The following KCNJ6 variants were observed in gnomAD, a reference collection of about 807,000 sequenced individuals.
KCNJ6 encodes the protein G protein-activated inward rectifier potassium channel 2.
KCNJ6 carries 9 observed loss-of-function variants against 34.2 expected under a neutral mutation model. The observed-to-expected ratio is 0.26, with a 90% CI of 0.16 to 0.46. The LOEUF is 0.46. Among genes scored for constraint, KCNJ6 ranks in the 20% least tolerant of loss-of-function variants. KCNJ6 has a pLI of 1.00. For missense variants in KCNJ6, 236 were observed against 531.3 expected, an observed-to-expected ratio of 0.44 and a Z score of 5.46; for synonymous variants, 196 against 207.1, an observed-to-expected ratio of 0.95 and a Z score of 0.46.
chr21:37,844,922 G>T (rs1418676146), intron 1 of KCNJ6, among the ~76,000 whole-genome samples: 1 of 152,162 alleles, frequency 6.6e-6, no homozygotes, highest in Non-Finnish European at 1.5e-5. Flanking sequence ...TCATCTGGAG[G>T]TCATGGCTGG....
intron 2 of KCNJ6, among the ~76,000 whole-genome samples, chr21:37,725,760 G>A (rs972652728): frequency 1.3e-5 from 2 of 152,200 alleles, no homozygotes; most frequent in African/African-American, 4.8e-5. Context: ...CAACCCAAAT[G>A]TCTATCACCA....
chr21:37,712,532 TTCCCTCCCTCCTCC>T (rs1397369155), intron 3 of KCNJ6, among the ~76,000 whole-genome samples: 26 of 88,812 alleles, frequency 2.9e-4, no homozygotes, highest in African/African-American at 2.6e-4. Flanking sequence ...TCCCTTTCTC[TTCCCTCCCTCCTCC>T]TCCCTCCCTC....
At chr21:37,908,846 T>C (rs1454081765) in intron 1 of KCNJ6, among the ~76,000 whole-genome samples, 4 of 152,228 alleles carry the variant, frequency 2.6e-5, no homozygotes, top group African/African-American at 9.6e-5. Context: ...CTGATTCACA[T>C]TAGCTGTATT....
At chr21:37,764,355 G>A (rs935425941) in intron 2 of KCNJ6, among the ~76,000 whole-genome samples, 1 of 151,268 alleles carries the variant, frequency 6.6e-6, no homozygotes, top group African/African-American at 2.4e-5. Flanking sequence ...AGCTTGGGAT[G>A]ATTGGAAGAA....
At chr21:37,729,063 G>A (rs1306924530) in intron 2 of KCNJ6, among the ~76,000 whole-genome samples, 1 of 152,146 alleles carries the variant, frequency 6.6e-6, no homozygotes, top group African/African-American at 2.4e-5. Flanking sequence ...ATAGGTGTAT[G>A]TGGTAGAACA....
At position 37,867,794 on chromosome 21, in the gene KCNJ6, C is replaced by G. The variant is rs578237600; in HGVS notation, c.-27-27085G>C. 3.9e-4 allele frequency among the ~76,000 whole-genome samples: 59 copies of G among 152,272 alleles called. No individual in the cohort carries two copies. In the South Asian group the frequency reaches 0.012, roughly 32 times the overall value. ...ATCAGGCAGCGAAGAGACTGGTGAA[C>G]AGAGAGGGAAAAGCCAGGGGGCAGA... On this transcript the variant is annotated intron_variant, in intron 1 of 3. Coordinates refer to ENST00000609713, the MANE Select transcript of KCNJ6 (RefSeq NM_002240.5).
chr21:37,722,042 A>C (rs1405139440), intron 2 of KCNJ6, among the ~76,000 whole-genome samples: 1 of 152,254 alleles, frequency 6.6e-6, no homozygotes, highest in Non-Finnish European at 1.5e-5. Flanking sequence ...CTATACCTAA[A>C]AAATACTAAA....
chr21:37,710,726 A>G (rs1246171056), intron 3 of KCNJ6, among the ~76,000 whole-genome samples: 1 of 152,190 alleles, frequency 6.6e-6, no homozygotes, highest in Non-Finnish European at 1.5e-5. Context: ...GTCTATATGA[A>G]TGCTTTACTA....
At chr21:37,676,517 C>T (rs912391238) in intron 3 of KCNJ6, among the ~76,000 whole-genome samples, 7 of 152,150 alleles carry the variant, frequency 4.6e-5, no homozygotes, top group Non-Finnish European at 7.3e-5. Context: ...TGTGGGTGGG[C>T]GTATGAGGTG....
chr21:37,786,190 T>C (rs779325992), intron 2 of KCNJ6, among the ~76,000 whole-genome samples: 1 of 152,186 alleles, frequency 6.6e-6, no homozygotes, highest in Non-Finnish European at 1.5e-5. Context: ...GCCCTCCTGG[T>C]GATATGATGC....
At chr21:37,662,983 AT>A (rs771312131) in intron 3 of KCNJ6, among the ~76,000 whole-genome samples, 4 of 152,142 alleles carry the variant, frequency 2.6e-5, no homozygotes, top group Non-Finnish European at 4.4e-5. Context: ...GATTTTTAAT[AT>A]TTTAAATTTT....
chr21:37,885,385 G>A (rs912176722), intron 1 of KCNJ6, among the ~76,000 whole-genome samples: 4 of 151,972 alleles, frequency 2.6e-5, no homozygotes, highest in African/African-American at 9.7e-5. Flanking sequence ...GCTGCTTGGG[G>A]GACACACACC....
intron 1 of KCNJ6, among the ~76,000 whole-genome samples, chr21:37,878,625 A>T (rs2055690930): frequency 6.6e-6 from 1 of 152,266 alleles, no homozygotes; most frequent in Non-Finnish European, 1.5e-5. Context: ...AGAAAGTAGG[A>T]AACTTGTGTG....
intron 3 of KCNJ6, among the ~76,000 whole-genome samples, chr21:37,655,248 AGAGAGAGAG>A (rs2054457600): frequency 3.8e-4 from 18 of 46,802 alleles, no homozygotes; most frequent in African/African-American, 2.0e-3. Flanking sequence ...AGAGAGAGAG[AGAGAGAGAG>A]AGAGAGAGAG....
chr21:37,721,970 T>TA (rs145469446), intron 2 of KCNJ6, among the ~76,000 whole-genome samples: 9,610 of 152,166 alleles, frequency 0.063, 598 homozygotes, highest in East Asian at 0.34. Context: ...GGGAAAGAAA[T>TA]AAAGTACATC....
intron 3 of KCNJ6, among the ~76,000 whole-genome samples, chr21:37,677,498 T>TCCCTTTCTTTCTTCTTCCTCC (rs1225573409): frequency 1.3e-5 from 2 of 152,168 alleles, no homozygotes; most frequent in African/African-American, 4.8e-5. Flanking sequence ...TCTTCTCCTT[T>TCCCTTTCTTTCTTCTTCCTCC]CCCTTTCTTT....
chr21:37,811,252 C>T (rs2123542800), intron 2 of KCNJ6, among the ~76,000 whole-genome samples: 1 of 152,316 alleles, frequency 6.6e-6, no homozygotes, highest in East Asian at 1.9e-4. Flanking sequence ...TGCATCTCCT[C>T]ATCTGTATCT....
At chr21:37,900,779 A>C (rs1017520884) in intron 1 of KCNJ6, among the ~76,000 whole-genome samples, 5 of 152,226 alleles carry the variant, frequency 3.3e-5, no homozygotes, top group African/African-American at 1.2e-4. Context: ...AAACAGCATG[A>C]GGCCATCAGC....
At position 37,813,767 on chromosome 21, in the gene KCNJ6, G is replaced by A. The variant is rs889847646; in HGVS notation, c.25+26891C>T. 5.3e-5 allele frequency among the ~76,000 whole-genome samples: 8 copies of A among 152,144 alleles called. No individual in the cohort carries two copies. In the South Asian group the frequency reaches 8.3e-4, roughly 16 times the overall value. On this transcript the variant is annotated intron_variant, in intron 2 of 3. Coordinates refer to ENST00000609713, the MANE Select transcript of KCNJ6 (RefSeq NM_002240.5). The stretch of plus-strand genomic sequence containing the variant: ...AAACATCAAATCAAAATGTATTAAA[G>A]ACTTAAACCTAAGACCTCAAGCTAT...
Sources: gnomAD v4.1 joint callset for allele counts (sites outside exome capture counted in the v4.1 genomes callset) on GRCh38, gnomAD v4.1.1 for gene constraint, MANE v1.5 for transcripts, NCBI Gene and HGNC (gene_info 2026-07-23, HGNC 2026-07-21) for gene names.